The following UGT1A3 variants were observed in gnomAD, a reference collection of about 807,000 sequenced individuals.
UGT1A3 encodes UDP-glucuronosyltransferase 1A3.
Under a neutral mutation model 41.0 loss-of-function variants are expected in UGT1A3, and 31 were observed. That is an observed-to-expected ratio of 0.76 (90% confidence interval 0.57 to 1.02). The LOEUF (loss-of-function observed/expected upper bound fraction) is 1.02. UGT1A3 is among the 50% of genes least tolerant of loss of function. The pLI is 0.00. For synonymous variants in UGT1A3, 262 were observed against 257.6 expected (o/e 1.02, Z -0.17); for missense variants, 737 against 671.0 (o/e 1.10, Z -1.09).
At chr2:233,733,336 C>T (rs185739129) in intron 1 of UGT1A3, among the ~76,000 whole-genome samples, 4 of 152,264 alleles carry the variant, frequency 2.6e-5, no homozygotes, top group Admixed American at 2.6e-4. Context: ...CCAGAACTTC[C>T]AACAGTATGT....
intron 1 of UGT1A3, among the ~76,000 whole-genome samples, chr2:233,749,024 T>C (rs1310542743): frequency 6.6e-6 from 1 of 151,748 alleles, no homozygotes; most frequent in East Asian, 1.9e-4. Flanking sequence ...CCAGAATATT[T>C]GGGGTTCATT....
intron 1 of UGT1A3, chr2:233,747,287 G>A: frequency 6.2e-7 from 1 of 1,601,492 alleles, no homozygotes; most frequent in Admixed American, 1.7e-5. Context: ...GCCCAGCCCT[G>A]GGCTGAGAGT....
chr2:233,760,764 C>T lies in UGT1A3; in HGVS notation c.868-6270C>T, dbSNP rs199766420. 1.0e-4 allele frequency: 164 copies of T among 1,614,088 alleles called. 1 individual carries two copies. The Middle Eastern group carries it at 2.1e-3, about 21-fold the overall frequency. ...ACCCTTTCCTTCCTTGCAGCCCCATCGTGGCCCAGTACCTGTCTCTGCCCA... is the reference window on the plus strand; with the variant it reads ...ACCCTTTCCTTCCTTGCAGCCCCATTGTGGCCCAGTACCTGTCTCTGCCCA... On this transcript the variant is annotated intron_variant, in intron 1 of 4. Transcript: ENST00000482026.
At chr2:233,751,385 T>C (rs1694712496) in intron 1 of UGT1A3, among the ~76,000 whole-genome samples, 1 of 152,160 alleles carries the variant, frequency 6.6e-6, no homozygotes, top group African/African-American at 2.4e-5. Flanking sequence ...TTGCCTTGTC[T>C]CAGATAAGAC....
Position 233,767,071 on chromosome 2 carries a change from G to C in UGT1A3, c.905G>C (p.Gly302Ala). 1 of 1,614,098 alleles carries C rather than the reference G, an allele frequency of 6.2e-7. No homozygotes were observed. The highest frequency in any genetic ancestry group is 8.5e-7 in the Non-Finnish European group (1 of 1,180,012). ...TACATTAATGCTTCTGGAGAACATG[G>C]AATTGTGGTTTTCTCTTTGGGATCA... The part of the protein sequence containing the change: ...EAYINASGEH[G>A]IVVFSLGSMV... The change falls in exon 2 of 5, where the codon GGA (glycine) becomes GCA (alanine). Residue 302 changes from glycine (G) to alanine (A), a missense_variant. Gly to Ala is a moderately conservative substitution (Grantham distance 60). Coordinates refer to ENST00000482026, the MANE Select transcript of UGT1A3 (RefSeq NM_019093.4).
Position 233,760,871 on chromosome 2 carries a change from G to A in UGT1A3, c.868-6163G>A, listed in dbSNP as rs767764203. 84 of 1,614,010 alleles carry A rather than the reference G, an allele frequency of 5.2e-5. No individual in the cohort carries two copies. Among genetic ancestry groups the A allele is most frequent in the Non-Finnish European group, 5.2e-5 (61 of 1,180,040 alleles). On this transcript the variant is annotated intron_variant, in intron 1 of 4. Transcript: ENST00000482026. ...CCCAACCCATTCTCCTACGTGCCCAGGCCTCTCTCCTCTCATTCAGATCAC... is the reference window on the plus strand; with the variant it reads ...CCCAACCCATTCTCCTACGTGCCCAAGCCTCTCTCCTCTCATTCAGATCAC...
chr2:233,767,249 T>C, intron 2 of UGT1A3, 84 bp downstream of exon 2: 1 of 1,600,756 alleles, frequency 6.2e-7, no homozygotes, highest in Non-Finnish European at 8.5e-7. Context: ...TTAATTCTCT[T>C]AATTGGAACC....
chr2:233,749,114 A>G (rs113228961), intron 1 of UGT1A3, among the ~76,000 whole-genome samples: 3 of 151,858 alleles, frequency 2.0e-5, no homozygotes, highest in African/African-American at 7.3e-5. Flanking sequence ...CAGCCTTTTT[A>G]TGTCATATTC....
At chr2:233,730,740 A>G (rs1421487405) in intron 1 of UGT1A3, among the ~76,000 whole-genome samples, 1 of 152,154 alleles carries the variant, frequency 6.6e-6, no homozygotes, top group East Asian at 1.9e-4. Context: ...GGAAGGGGCT[A>G]GGGAGGAGAT....
At chr2:233,748,150 A>T (rs1362576918) in intron 1 of UGT1A3, 1 of 1,604,682 alleles carries the variant, frequency 6.2e-7, no homozygotes, top group East Asian at 2.2e-5. Context: ...TTTACTTACA[A>T]TTGCTTCCAT....
chr2:233,755,066 A>G, intron 1 of UGT1A3: 1 of 1,335,668 alleles, frequency 7.5e-7, no homozygotes, highest in Non-Finnish European at 1.0e-6. Flanking sequence ...TCGCCTCGCC[A>G]TAGCGGTCAT....
chr2:233,745,268 C>T (rs755257414), intron 1 of UGT1A3, among the ~76,000 whole-genome samples: 3 of 151,698 alleles, frequency 2.0e-5, no homozygotes, highest in Non-Finnish European at 4.4e-5. Context: ...ACTTGCAGGC[C>T]GTGTGTATAG....
chr2:233,761,524 A>G (rs1388397599), intron 1 of UGT1A3, among the ~76,000 whole-genome samples: 1 of 152,234 alleles, frequency 6.6e-6, no homozygotes, highest in Non-Finnish European at 1.5e-5. Flanking sequence ...AATGTTCAGG[A>G]CTGATGAAAT....
rs745537470 is a variant in UGT1A3, at chr2:233,755,045, G to A, written c.868-11989G>A. ...TGAAGGGCCTGCCGCCTGCGCAGCC[G>A]CCCTCCGCCCTCGCCTCGCCATAGC... On this transcript the variant is annotated intron_variant, in intron 1 of 4. Transcript: ENST00000482026. 1.4e-5 allele frequency: 18 copies of A among 1,325,360 alleles called. No individual in the cohort carries two copies. The East Asian group carries it at 1.4e-4, about 10-fold the overall frequency. 82.1% of individuals were successfully genotyped at this position (1,325,360 alleles called of 1,614,324 possible). A position where few individuals can be genotyped will look rare whatever the true frequency, so the allele number is the denominator to read the frequency against.
chr2:233,747,006 G>A (rs563411016), intron 1 of UGT1A3, among the ~76,000 whole-genome samples: 4 of 151,972 alleles, frequency 2.6e-5, no homozygotes, highest in Admixed American at 2.0e-4. Flanking sequence ...TTTTCAAGTA[G>A]GAGTGATCGG....
chr2:233,751,076 G>A (rs1694634911), intron 1 of UGT1A3, among the ~76,000 whole-genome samples: 1 of 151,954 alleles, frequency 6.6e-6, no homozygotes, highest in Non-Finnish European at 1.5e-5. Context: ...GCCAGCCTCT[G>A]AAGGCAGCCA....
At chr2:233,736,657 T>G (rs571352922) in intron 1 of UGT1A3, among the ~76,000 whole-genome samples, 1 of 152,376 alleles carries the variant, frequency 6.6e-6, no homozygotes, top group African/African-American at 2.4e-5. Context: ...TGTGGTTTTA[T>G]GTACCTTAGG....
chr2:233,746,863 GATAA>G lies in UGT1A3; in HGVS notation c.867+16872_867+16875del, dbSNP rs761863158. 2.4e-3 allele frequency among the ~76,000 whole-genome samples: 366 copies of G among 151,888 alleles called. 1 individual carries two copies. The highest frequency in any genetic ancestry group is 3.4e-3 in the Non-Finnish European group (229 of 68,012). The stretch of plus-strand genomic sequence containing the variant: ...ACCTCTCAGACCTCAGCTGCAGCCT[GATAA>G]ACGTGGTTAACAGAGAAGTAGGAGG... On this transcript the variant is annotated intron_variant, in intron 1 of 4. Transcript: ENST00000482026.
intron 1 of UGT1A3, chr2:233,743,413 C>T: frequency 7.6e-7 from 1 of 1,324,104 alleles, no homozygotes; most frequent in South Asian, 1.2e-5. Context: ...GCCCCCACTT[C>T]CCAGGGAGCC....
Sources: gnomAD v4.1 joint callset for allele counts (sites outside exome capture counted in the v4.1 genomes callset) on GRCh38, gnomAD v4.1.1 for gene constraint, MANE v1.5 for transcripts, NCBI Gene and HGNC (gene_info 2026-07-23, HGNC 2026-07-21) for gene names.